The following CUBN variants were observed in gnomAD, a reference collection of about 807,000 sequenced individuals.
CUBN encodes cubilin, also known as 460 kDa receptor.
In CUBN, 282 loss-of-function variants were observed where a neutral mutation model predicts 405.3. That is an observed-to-expected ratio of 0.70 (90% CI 0.63 to 0.77). The LOEUF (loss-of-function observed/expected upper bound fraction) is 0.77. Ranked by LOEUF, CUBN falls within the 30% of genes least tolerant of loss-of-function variation. The pLI is 0.00. For missense variants in CUBN, 4,514 were observed against 4,475.2 expected (o/e 1.01, Z -0.25); for synonymous variants, 1,684 against 1,617.0 (o/e 1.04, Z -0.99).
rs778961539 is a variant in CUBN, at chr10:17,104,458, G to A, written c.1378C>T (p.Arg460Cys). The change falls in exon 12 of 67, where the codon CGT becomes TGT. Residue 460 changes from arginine to cysteine, a missense_variant. Around this residue, in one of 5 missense-constraint regions of CUBN, gnomAD observed 1,448 missense variants for 1,388.0 expected, o/e 1.04. Transcript: ENST00000377833. ...GVDSFSCECT[R>C]LWTGALCQVP... ...TGACAGAGAGCTCCAGTCCAGAGAC[G>A]TGTGCATTCACAACTGAAAGAATCA... 2.9e-5 allele frequency: 47 copies of A among 1,613,864 alleles called. No homozygotes were observed. Among genetic ancestry groups the A allele is most frequent in the Non-Finnish European group, 3.6e-5 (42 of 1,179,994 alleles).
chr10:17,108,779 T>A (rs562906925), intron 10 of CUBN, among the ~76,000 whole-genome samples: 1 of 151,956 alleles, frequency 6.6e-6, no homozygotes, highest in Non-Finnish European at 1.5e-5. Context: ...GCACTACCAC[T>A]ACAAGATTAA....
chr10:17,056,918 A>G (rs1375605079), intron 22 of CUBN, among the ~76,000 whole-genome samples: 1 of 152,184 alleles, frequency 6.6e-6, no homozygotes, highest in Non-Finnish European at 1.5e-5. Flanking sequence ...AAGAAAATAA[A>G]TGAATTGTCA....
chr10:16,834,332 C>T (rs7897680), intron 64 of CUBN, among the ~76,000 whole-genome samples: 3,909 of 152,052 alleles, frequency 0.026, 157 homozygotes, highest in African/African-American at 0.089. Flanking sequence ...TTCAGGCCCA[C>T]GAGGCGCATG....
intron 51 of CUBN, among the ~76,000 whole-genome samples, chr10:16,903,251 A>T (rs902098274): frequency 2.0e-5 from 3 of 152,184 alleles, no homozygotes; most frequent in South Asian, 2.1e-4. Flanking sequence ...ATTTACATTT[A>T]AAAAAAGCTT....
At chr10:16,828,705 AGAGC>A (rs1422919759) in intron 66 of CUBN, 96 bp downstream of exon 66, 1 of 936,202 alleles carries the variant, frequency 1.1e-6, no homozygotes, top group Non-Finnish European at 1.7e-6. Context: ...CTGGGTGACA[AGAGC>A]GAGATTCCAT....
chr10:17,061,086 A>C (rs781284516), intron 22 of CUBN, among the ~76,000 whole-genome samples: 7 of 151,952 alleles, frequency 4.6e-5, no homozygotes, highest in African/African-American at 1.2e-4. Context: ...ACAACAACAA[A>C]AAAAACCCAA....
intron 54 of CUBN, among the ~76,000 whole-genome samples, chr10:16,892,694 G>C (rs1404011009): frequency 1.3e-5 from 2 of 151,776 alleles, no homozygotes; most frequent in Non-Finnish European, 2.9e-5. Context: ...GGGTTTTCCC[G>C]TGTTGCCCAG....
intron 27 of CUBN, among the ~76,000 whole-genome samples, chr10:17,031,718 C>T (rs1834792817): frequency 6.6e-6 from 1 of 152,176 alleles, no homozygotes; most frequent in South Asian, 2.1e-4. Flanking sequence ...CCCTCTAGAA[C>T]AATAGAAAGC....
intron 28 of CUBN, among the ~76,000 whole-genome samples, chr10:16,994,098 G>T (rs562683898): frequency 6.6e-6 from 1 of 152,196 alleles, no homozygotes; most frequent in African/African-American, 2.4e-5. Flanking sequence ...AAACCTGCAC[G>T]TTGTAATTCT....
chr10:17,039,084 C>CA (rs1316454459), intron 27 of CUBN, among the ~76,000 whole-genome samples: 2 of 151,884 alleles, frequency 1.3e-5, no homozygotes, highest in Non-Finnish European at 2.9e-5. Context: ...TTTCCTCCCC[C>CA]CTCTTTCTGC....
Position 17,104,578 on chromosome 10 carries a change from A to G in CUBN, c.1258T>C (p.Cys420Arg). ...IDTVSGYFCK[C>R]DSGWTGVNCT... ...TTGACACCTGTCCAACCTGAGTCAC[A>G]CTTACAAAAATAACCAGAGACAGTG... Residue 420 changes from cysteine (C) to arginine (R), a missense_variant, in exon 12 of 67, where the codon TGT (cysteine) becomes CGT (arginine). Around this residue, in one of 5 missense-constraint regions of CUBN, gnomAD observed 1,448 missense variants for 1,388.0 expected, o/e 1.04. Coordinates refer to ENST00000377833, the MANE Select transcript of CUBN (RefSeq NM_001081.4). 6.2e-7 allele frequency: 1 copy of G among 1,613,806 alleles called. No individual in the cohort carries two copies. The highest frequency in any genetic ancestry group is 8.5e-7 in the Non-Finnish European group (1 of 1,179,944).
At position 16,835,064 on chromosome 10, in the gene CUBN, G is replaced by GA; in HGVS notation, c.10311dup (p.His3438SerfsTer10). On this transcript the variant is annotated frameshift_variant, in exon 64 of 67. Coordinates refer to ENST00000377833, the MANE Select transcript of CUBN (RefSeq NM_001081.4). LOFTEE classifies it high-confidence loss of function. ...ACTGAGTTCTCGATGCCAAGTGAAT[G>GA]AAAAAAGAGGGAAATGGTGTGGTTC... 6.2e-7 allele frequency: 1 copy of GA among 1,614,132 alleles called. No homozygotes were observed. The highest frequency in any genetic ancestry group is 8.5e-7 in the Non-Finnish European group (1 of 1,180,014).
intron 45 of CUBN, among the ~76,000 whole-genome samples, chr10:16,916,688 C>T (rs1247358398): frequency 6.6e-6 from 1 of 152,194 alleles, no homozygotes; most frequent in African/African-American, 2.4e-5. Context: ...TGTGTCTAAA[C>T]CTATTAGATA....
chr10:16,936,237 G>A (rs1373737651), intron 39 of CUBN, among the ~76,000 whole-genome samples: 4 of 152,064 alleles, frequency 2.6e-5, no homozygotes, highest in Non-Finnish European at 5.9e-5. Context: ...TACCTTGAGG[G>A]TTGTAAATAT....
At chr10:17,026,784 T>C (rs886574836) in intron 27 of CUBN, among the ~76,000 whole-genome samples, 2 of 152,222 alleles carry the variant, frequency 1.3e-5, no homozygotes, top group African/African-American at 4.8e-5. Flanking sequence ...CAGAGCATGG[T>C]TGATCCCAGC....
intron 21 of CUBN, 62 bp from the exon 22 acceptor site, chr10:17,065,700 A>C (rs1835600701): frequency 3.7e-6 from 6 of 1,600,030 alleles, no homozygotes; most frequent in Non-Finnish European, 5.1e-6. Context: ...AAAATGATGT[A>C]ACAAAAATTT....
intron 62 of CUBN, among the ~76,000 whole-genome samples, chr10:16,839,189 G>C (rs2131317134): frequency 6.6e-6 from 1 of 152,280 alleles, no homozygotes; most frequent in South Asian, 2.1e-4. Context: ...TTCGGTCTCT[G>C]AGGGTGGGCC....
intron 59 of CUBN, among the ~76,000 whole-genome samples, chr10:16,859,182 A>G (rs1839946132): frequency 1.3e-5 from 2 of 152,200 alleles, no homozygotes. Flanking sequence ...AGAAAATTAA[A>G]AGGCAAGATA....
chr10:16,975,558 A>T (rs1317638090), intron 31 of CUBN, among the ~76,000 whole-genome samples: 2 of 151,278 alleles, frequency 1.3e-5, no homozygotes, highest in Non-Finnish European at 2.9e-5. Flanking sequence ...GTAGAGCAAT[A>T]CCCACCATGG....
Sources: gnomAD v4.1 joint callset for allele counts (sites outside exome capture counted in the v4.1 genomes callset) on GRCh38, gnomAD v4.1.1 for gene constraint, gnomAD v4.1.1 regional missense constraint, MANE v1.5 for transcripts, NCBI Gene and HGNC (gene_info 2026-07-23, HGNC 2026-07-21) for gene names.